Variants in ATF6 observed in about 807,000 individuals in gnomAD.
ATF6 encodes activating transcription factor 6.
Under a neutral mutation model 83.6 loss-of-function variants are expected in ATF6, and 53 were observed. The observed-to-expected ratio is 0.63, with a 90% CI of 0.51 to 0.80. ATF6 has a LOEUF of 0.80. Ranked by LOEUF, ATF6 falls within the 30% of genes least tolerant of loss-of-function variation. The pLI, the probability that ATF6 is intolerant of heterozygous loss-of-function variation, is 0.00. For synonymous variants in ATF6, 288 were observed against 285.8 expected (o/e 1.01, Z -0.08); for missense variants, 744 against 797.9 (o/e 0.93, Z 0.81).
intron 15 of ATF6, 131 bp downstream of exon 15, chr1:161,912,511 T>C: frequency 2.1e-6 from 1 of 482,004 alleles, no homozygotes. Flanking sequence ...CTGAAACATT[T>C]TTCCACTGTT....
At chr1:161,952,066 A>T (rs1185731622) in intron 15 of ATF6, among the ~76,000 whole-genome samples, 1 of 152,126 alleles carries the variant, frequency 6.6e-6, no homozygotes, top group Non-Finnish European at 1.5e-5. Flanking sequence ...CAATTATCTG[A>T]TGGAACCACA....
chr1:161,928,638 G>A lies in ATF6; in HGVS notation c.1804+16258G>A, dbSNP rs1037964106. Among the ~76,000 whole-genome samples the A allele has an allele frequency of 6.0e-5, 9 of 149,050 alleles. No individual in the cohort carries two copies. The South Asian group carries it at 1.7e-3, about 28-fold the overall frequency. The stretch of plus-strand genomic sequence containing the variant: ...AAAAGCCTTTTTTTTAAAAAAAAAA[G>A]CATTTTTTAGTAGGTAAATGTCAGT... On this transcript the variant is annotated intron_variant, in intron 15 of 15. Transcript: ENST00000367942.
At chr1:161,913,826 G>C (rs564178862) in intron 15 of ATF6, among the ~76,000 whole-genome samples, 1 of 152,272 alleles carries the variant, frequency 6.6e-6, no homozygotes, top group Admixed American at 6.5e-5. Context: ...GCTCAGAAAG[G>C]CTATTTTCTA....
intron 14 of ATF6, among the ~76,000 whole-genome samples, chr1:161,864,993 C>G (rs1162573713): frequency 1.3e-5 from 2 of 152,018 alleles, no homozygotes; most frequent in Non-Finnish European, 2.9e-5. Context: ...TTTTAACACT[C>G]AAATAGACAG....
chr1:161,842,010 G>A (rs77193909), intron 9 of ATF6, among the ~76,000 whole-genome samples: 3,007 of 152,274 alleles, frequency 0.02, 103 homozygotes, highest in African/African-American at 0.07. Flanking sequence ...AAAGAACAAT[G>A]ATTAGTAGAA....
rs115785318 is a variant in ATF6, at chr1:161,907,765, A to G, written c.1720-4531A>G. Among the ~76,000 whole-genome samples the G allele has an allele frequency of 3.1e-3, 475 of 152,272 alleles. 3 individuals carry two copies. The highest frequency in any genetic ancestry group is 0.011 in the African/African-American group (446 of 41,572). Reference sequence around the variant, plus strand: ...CATTTGATTATATTAATGTGCACTCATTGGCTAGTTTTGTATGCAGGGCCA... The same window carrying G: ...CATTTGATTATATTAATGTGCACTCGTTGGCTAGTTTTGTATGCAGGGCCA... On this transcript the variant is annotated intron_variant, in intron 14 of 15. Coordinates refer to ENST00000367942, the MANE Select transcript of ATF6 (RefSeq NM_007348.4).
chr1:161,955,259 T>C (rs963402743), intron 15 of ATF6, among the ~76,000 whole-genome samples: 2 of 152,144 alleles, frequency 1.3e-5, no homozygotes, highest in African/African-American at 4.8e-5. Context: ...TAAGCCAGAG[T>C]CTTCTCTGTT....
intron 15 of ATF6, among the ~76,000 whole-genome samples, chr1:161,920,263 T>TAA (rs1474386268): frequency 6.7e-6 from 1 of 148,796 alleles, no homozygotes; most frequent in Non-Finnish European, 1.5e-5. Flanking sequence ...AAAAAATACA[T>TAA]AATCATAGTT....
chr1:161,780,120 A>C (rs1684600889), intron 2 of ATF6, among the ~76,000 whole-genome samples: 1 of 152,070 alleles, frequency 6.6e-6, no homozygotes, highest in South Asian at 2.1e-4. Context: ...TGGTTTTTTT[A>C]TGATTTAAAT....
At chr1:161,771,073 CAT>C (rs1414990861) in intron 1 of ATF6, among the ~76,000 whole-genome samples, 1 of 152,182 alleles carries the variant, frequency 6.6e-6, no homozygotes, top group Non-Finnish European at 1.5e-5. Context: ...TTCCTGATGA[CAT>C]ATGATGTTGA....
At chr1:161,824,155 G>T (rs1398118933) in intron 9 of ATF6, among the ~76,000 whole-genome samples, 1 of 151,950 alleles carries the variant, frequency 6.6e-6, no homozygotes, top group Non-Finnish European at 1.5e-5. Context: ...TGCCTATCTT[G>T]TGGATCAAAA....
intron 14 of ATF6, among the ~76,000 whole-genome samples, chr1:161,881,324 G>C (rs541672546): frequency 2.6e-5 from 4 of 152,198 alleles, no homozygotes; most frequent in African/African-American, 9.6e-5. Flanking sequence ...CCACTCATAA[G>C]TTCACATGAT....
At chr1:161,797,847 A>G (rs958128207) in intron 6 of ATF6, among the ~76,000 whole-genome samples, 1 of 152,242 alleles carries the variant, frequency 6.6e-6, no homozygotes, top group African/African-American at 2.4e-5. Flanking sequence ...ACTGAAAAAG[A>G]GCCTAAATAG....
intron 2 of ATF6, among the ~76,000 whole-genome samples, chr1:161,779,159 A>AAAAAAAGTAT (rs1267291210): frequency 2.6e-5 from 4 of 152,138 alleles, no homozygotes; most frequent in Non-Finnish European, 5.9e-5. Flanking sequence ...GGTTTCATTT[A>AAAAAAAGTAT]CTCCATGAGA....
At chr1:161,902,022 T>C (rs1441843048) in intron 14 of ATF6, among the ~76,000 whole-genome samples, 1 of 152,172 alleles carries the variant, frequency 6.6e-6, no homozygotes, top group African/African-American at 2.4e-5. Flanking sequence ...AAGAAGGTCA[T>C]ACTCATGGTG....
chr1:161,806,147 A>G (rs1438170889), intron 7 of ATF6, among the ~76,000 whole-genome samples: 2 of 152,196 alleles, frequency 1.3e-5, no homozygotes, highest in African/African-American at 4.8e-5. Flanking sequence ...ATGATCTCTC[A>G]TTTCAGTGTA....
At chr1:161,814,635 C>T (rs1170008388) in intron 7 of ATF6, among the ~76,000 whole-genome samples, 1 of 152,162 alleles carries the variant, frequency 6.6e-6, no homozygotes, top group Non-Finnish European at 1.5e-5. Context: ...TGCATACATA[C>T]ACACAAAACT....
chr1:161,824,205 C>T (rs1685831554), intron 9 of ATF6, among the ~76,000 whole-genome samples: 1 of 152,174 alleles, frequency 6.6e-6, no homozygotes, highest in Middle Eastern at 3.4e-3. Context: ...GTGTGCTCTT[C>T]CTCAAACACT....
intron 9 of ATF6, among the ~76,000 whole-genome samples, chr1:161,824,890 A>G (rs1035778155): frequency 3.9e-5 from 6 of 152,184 alleles, no homozygotes; most frequent in Non-Finnish European, 7.3e-5. Context: ...TATGTAAACA[A>G]CTGTTGTATG....
Sources: allele counts gnomAD v4.1 joint callset (sites outside exome capture counted in the v4.1 genomes callset), GRCh38; gene constraint gnomAD v4.1.1; transcripts MANE v1.5; gene names NCBI Gene and HGNC (gene_info 2026-07-23, HGNC 2026-07-21).